Variants in HPCAL1 observed in about 807,000 individuals in gnomAD.
The protein encoded by HPCAL1 is hippocalcin like 1.
A neutral mutation model predicts 17.1 loss-of-function variants in HPCAL1; 8 were observed. That is an observed-to-expected ratio of 0.47 (90% CI 0.27 to 0.84). The LOEUF (loss-of-function observed/expected upper bound fraction) is 0.84. HPCAL1 is among the 40% of genes least tolerant of loss of function. The pLI, the probability that HPCAL1 is intolerant of heterozygous loss-of-function variation, is 0.13. For synonymous variants in HPCAL1, 112 were observed against 111.4 expected (o/e 1.01, Z -0.03); for missense variants, 165 against 271.1 (o/e 0.61, Z 2.75).
At chr2:10,340,456 G>A (rs138878674) in intron 1 of HPCAL1, among the ~76,000 whole-genome samples, 76 of 152,196 alleles carry the variant, frequency 5.0e-4, no homozygotes, top group East Asian at 1.9e-3. Context: ...TGCCTTTAAC[G>A]TTGGATGACT....
rs1663375049 is a variant in HPCAL1, at chr2:10,317,250, G to A, written c.-111+14073G>A. Among the ~76,000 whole-genome samples the A allele has an allele frequency of 2.0e-5, 3 of 152,180 alleles. No individual in the cohort carries two copies. The South Asian group carries it at 6.2e-4, about 32-fold the overall frequency. On this transcript the variant is annotated intron_variant, in intron 1 of 4. Transcript: ENST00000307845. The stretch of plus-strand genomic sequence containing the variant: ...ATAATTTTGTCCTCGGTTTTGTTTT[G>A]CTTAATTATGAATCCTACATAACCC...
intron 1 of HPCAL1, among the ~76,000 whole-genome samples, chr2:10,322,301 G>A (rs1663716887): frequency 6.6e-6 from 1 of 152,156 alleles, no homozygotes; most frequent in Non-Finnish European, 1.5e-5. Context: ...GGGATTAGAG[G>A]CATGAACCAC....
chr2:10,416,379 G>A (rs1440805206), intron 2 of HPCAL1, among the ~76,000 whole-genome samples: 2 of 152,192 alleles, frequency 1.3e-5, no homozygotes, highest in Non-Finnish European at 2.9e-5. Context: ...GCACAGAGCT[G>A]TCTGGGATCC....
chr2:10,412,701 C>T (rs1442166549), intron 2 of HPCAL1, among the ~76,000 whole-genome samples: 1 of 152,212 alleles, frequency 6.6e-6, no homozygotes, highest in Non-Finnish European at 1.5e-5. Context: ...TATTCTTGCA[C>T]ATTCCTTCAG....
rs115117942 is a variant in HPCAL1 at position 10,385,666 on chromosome 2, G to A, written c.-110-11169G>A. Among the ~76,000 whole-genome samples the A allele has an allele frequency of 6.8e-3, 1,039 of 152,308 alleles. 9 individuals carry two copies. Among genetic ancestry groups the A allele is most frequent in the African/African-American group, 0.019 (791 of 41,580 alleles). ...CGTGGTGTCACTAATAGGATTTGCC[G>A]AGCCTTTTGGATGTTTGTGGCGCGA... On this transcript the variant is annotated intron_variant, in intron 1 of 4. Transcript: ENST00000307845.
rs1345810632 is a variant in HPCAL1, at chr2:10,426,923, G to A, written c.*102G>A. ...CCCGCAATCGTTCCTGCTCTCCCGG[G>A]CCCCGGGCCTGGGGCATGCGTTGCA... On this transcript the variant is annotated 3_prime_UTR_variant, in exon 5 of 5. Transcript: ENST00000307845. 1 of 1,154,352 alleles carries A rather than the reference G, an allele frequency of 8.7e-7. No homozygotes were observed. Among genetic ancestry groups the A allele is most frequent in the East Asian group, 2.4e-5 (1 of 40,944 alleles). 71.5% of individuals were successfully genotyped at this position (1,154,352 alleles called of 1,614,324 possible). A position where few individuals can be genotyped will look rare whatever the true frequency, so the allele number is the denominator to read the frequency against.
intron 1 of HPCAL1, among the ~76,000 whole-genome samples, chr2:10,348,235 A>G (rs1270459168): frequency 1.3e-5 from 2 of 152,164 alleles, no homozygotes; most frequent in Non-Finnish European, 2.9e-5. Flanking sequence ...AGTTCACCTA[A>G]GATCAGGAGT....
intron 1 of HPCAL1, among the ~76,000 whole-genome samples, chr2:10,317,601 A>G (rs1663400877): frequency 6.6e-6 from 1 of 152,180 alleles, no homozygotes; most frequent in Admixed American, 6.5e-5. Flanking sequence ...TATTTTTAGC[A>G]GAGACGGGGT....
At chr2:10,415,214 C>T (rs1049901167) in intron 2 of HPCAL1, among the ~76,000 whole-genome samples, 1 of 151,432 alleles carries the variant, frequency 6.6e-6, no homozygotes, top group African/African-American at 2.4e-5. Flanking sequence ...CATGGAGGGC[C>T]GGCCCTGGGC....
At chr2:10,317,617 C>T (rs945314428) in intron 1 of HPCAL1, among the ~76,000 whole-genome samples, 1 of 152,134 alleles carries the variant, frequency 6.6e-6, no homozygotes, top group Non-Finnish European at 1.5e-5. Flanking sequence ...GGGGTTTCAC[C>T]AGGTTGGCTA....
At chr2:10,382,173 A>T (rs1376562037) in intron 1 of HPCAL1, among the ~76,000 whole-genome samples, 1 of 152,360 alleles carries the variant, frequency 6.6e-6, no homozygotes, top group East Asian at 1.9e-4. Flanking sequence ...AGGTGAGAGA[A>T]GCCAATCTGA....
intron 1 of HPCAL1, among the ~76,000 whole-genome samples, chr2:10,340,179 C>T (rs1183428539): frequency 3.9e-5 from 6 of 152,232 alleles, no homozygotes; most frequent in South Asian, 4.1e-4. Flanking sequence ...GACATAGACC[C>T]AAGGGTGCAC....
intron 1 of HPCAL1, among the ~76,000 whole-genome samples, chr2:10,315,446 G>C (rs1663257182): frequency 6.6e-6 from 1 of 152,158 alleles, no homozygotes; most frequent in African/African-American, 2.4e-5. Context: ...TTCATGTTTT[G>C]CCACATTCTA....
chr2:10,321,156 C>T (rs1031836332), intron 1 of HPCAL1, among the ~76,000 whole-genome samples: 20 of 152,164 alleles, frequency 1.3e-4, no homozygotes, highest in Admixed American at 2.6e-4. Flanking sequence ...CGGAAGGTGA[C>T]GGGGGAGCAG....
Position 10,310,846 on chromosome 2 carries a change from G to C in HPCAL1, c.-111+7669G>C, listed in dbSNP as rs532514256. 2.5e-3 allele frequency among the ~76,000 whole-genome samples: 374 copies of C among 152,222 alleles called. No individual in the cohort carries two copies. Among genetic ancestry groups the C allele is most frequent in the African/African-American group, 8.6e-3 (357 of 41,526 alleles). On this transcript the variant is annotated intron_variant, in intron 1 of 4. Coordinates refer to ENST00000307845, the MANE Select transcript of HPCAL1 (RefSeq NM_002149.4). This position sits in a 1 kb window ranked among gnomAD's most constrained non-coding sequence, Gnocchi z 4.5. ...TTTTTCTCTAGCAGCAAAATGCTCAGCTCTCTGCCTTCTTTCTGTGCATTT... is the reference window on the plus strand; with the variant it reads ...TTTTTCTCTAGCAGCAAAATGCTCACCTCTCTGCCTTCTTTCTGTGCATTT...
chr2:10,398,919 CCTT>C (rs1460010702), intron 2 of HPCAL1, among the ~76,000 whole-genome samples: 42 of 152,072 alleles, frequency 2.8e-4, no homozygotes, highest in Admixed American at 2.7e-3. Flanking sequence ...CACTTCCACT[CCTT>C]CATTCTCCAT....
At chr2:10,348,703 C>T (rs953831502) in intron 1 of HPCAL1, among the ~76,000 whole-genome samples, 2 of 151,916 alleles carry the variant, frequency 1.3e-5, no homozygotes, top group Non-Finnish European at 2.9e-5. Flanking sequence ...CACTTGAGCC[C>T]AGGAGTCTGA....
At chr2:10,403,167 C>A (rs1332134243) in intron 2 of HPCAL1, among the ~76,000 whole-genome samples, 1 of 152,212 alleles carries the variant, frequency 6.6e-6, no homozygotes, top group Non-Finnish European at 1.5e-5. Flanking sequence ...GAGAGGGACA[C>A]CAGTCCTGGC....
intron 2 of HPCAL1, among the ~76,000 whole-genome samples, chr2:10,408,061 G>T (rs1017422315): frequency 6.6e-6 from 1 of 152,224 alleles, no homozygotes; most frequent in Non-Finnish European, 1.5e-5. Flanking sequence ...AGAGGCACAA[G>T]GTGTGCAGGG....
Sources: allele counts gnomAD v4.1 joint callset (sites outside exome capture counted in the v4.1 genomes callset), GRCh38; gene constraint gnomAD v4.1.1; non-coding constraint Gnocchi (gnomAD v3.1); transcripts MANE v1.5; gene names NCBI Gene and HGNC (gene_info 2026-07-23, HGNC 2026-07-21).